The following TSHZ2 variants were observed in gnomAD, a reference collection of about 807,000 sequenced individuals.
TSHZ2 encodes the protein teashirt zinc finger homeobox 2, also known as teashirt homolog 2.
TSHZ2 carries 21 observed loss-of-function variants against 74.4 expected under a neutral mutation model. That is an observed-to-expected ratio of 0.28 (90% CI 0.20 to 0.41). The LOEUF is 0.41. Among genes scored for constraint, TSHZ2 ranks in the 10% least tolerant of loss-of-function variants. The pLI is 1.00. For missense variants in TSHZ2, 1,244 were observed against 1,293.5 expected (o/e 0.96, Z 0.59); for synonymous variants, 540 against 515.3 (o/e 1.05, Z -0.65).
chr20:53,236,915 A>G (rs944381140), intron 1 of TSHZ2, among the ~76,000 whole-genome samples: 1 of 152,160 alleles, frequency 6.6e-6, no homozygotes, highest in African/African-American at 2.4e-5. Flanking sequence ...TGCCCCCATA[A>G]TCTAATCAAT....
chr20:53,469,875 A>AG (rs1316246063), intron 2 of TSHZ2, among the ~76,000 whole-genome samples: 2 of 141,400 alleles, frequency 1.4e-5, no homozygotes, highest in Admixed American at 1.4e-4. Flanking sequence ...GACCCAAGAA[A>AG]GAAAAAAAAG....
chr20:53,268,954 T>C (rs892003224), intron 2 of TSHZ2, among the ~76,000 whole-genome samples: 3 of 152,222 alleles, frequency 2.0e-5, no homozygotes, highest in African/African-American at 7.2e-5. Context: ...GTCAGTTTTC[T>C]CATCCCTAAA....
At chr20:53,422,856 G>T (rs1983526740) in intron 2 of TSHZ2, among the ~76,000 whole-genome samples, 1 of 152,192 alleles carries the variant, frequency 6.6e-6, no homozygotes, top group Non-Finnish European at 1.5e-5. Flanking sequence ...GCAACATGAT[G>T]CAGTGTTAAG....
chr20:53,202,366 C>T (rs1034986537), intron 1 of TSHZ2, among the ~76,000 whole-genome samples: 2 of 152,144 alleles, frequency 1.3e-5, no homozygotes, highest in Non-Finnish European at 2.9e-5. Context: ...TTGGAATCGT[C>T]GCACAGAAAG....
intron 2 of TSHZ2, among the ~76,000 whole-genome samples, chr20:53,367,203 C>T (rs1452068360): frequency 4.0e-5 from 6 of 151,756 alleles, no homozygotes; most frequent in Non-Finnish European, 8.8e-5. Flanking sequence ...CAAGAGCAGC[C>T]TGGTCAACAT....
intron 2 of TSHZ2, among the ~76,000 whole-genome samples, chr20:53,301,098 C>A (rs369290451): frequency 6.6e-6 from 1 of 152,154 alleles, no homozygotes; most frequent in East Asian, 1.9e-4. Flanking sequence ...TCCCAAGTAG[C>A]AGGTGTGAGC....
chr20:53,185,824 G>A, intron 1 of TSHZ2: 3 of 1,039,578 alleles, frequency 2.9e-6, no homozygotes, highest in Middle Eastern at 2.1e-4. Flanking sequence ...ATTTAATTGA[G>A]TTTTTAAATG....
At chr20:53,357,623 A>G (rs1980894692) in intron 2 of TSHZ2, among the ~76,000 whole-genome samples, 1 of 152,264 alleles carries the variant, frequency 6.6e-6, no homozygotes, top group Admixed American at 6.5e-5. Flanking sequence ...TTTGTGCTCA[A>G]GAAACAATTA....
chr20:53,190,566 G>T (rs779635435), intron 1 of TSHZ2, among the ~76,000 whole-genome samples: 1 of 152,104 alleles, frequency 6.6e-6, no homozygotes, highest in African/African-American at 2.4e-5. Context: ...AAAAATAAAA[G>T]ATGTGCTGTA....
chr20:53,463,559 A>G (rs186779792), intron 2 of TSHZ2, among the ~76,000 whole-genome samples: 2 of 152,316 alleles, frequency 1.3e-5, no homozygotes, highest in East Asian at 3.9e-4. Flanking sequence ...TCTCTGAAAG[A>G]AGGATTAACT....
intron 1 of TSHZ2, among the ~76,000 whole-genome samples, chr20:53,147,498 T>G (rs1363535148): frequency 6.6e-6 from 1 of 152,230 alleles, no homozygotes; most frequent in African/African-American, 2.4e-5. Flanking sequence ...TTAATAATAT[T>G]GTTTAATGAA....
intron 1 of TSHZ2, among the ~76,000 whole-genome samples, chr20:53,195,209 C>G (rs2243747): frequency 0.84 from 127,927 of 152,080 alleles, 53,895 homozygotes; most frequent in Non-Finnish European, 0.85. Context: ...AATGAATGGG[C>G]GTGCTCACCT....
chr20:53,185,389 T>C (rs1174801608), intron 1 of TSHZ2: 2 of 1,238,346 alleles, frequency 1.6e-6, no homozygotes, highest in South Asian at 2.4e-5. Context: ...CTTAAGATGA[T>C]GGTGGCCAGG....
intron 2 of TSHZ2, among the ~76,000 whole-genome samples, chr20:53,355,784 A>G (rs1600827233): frequency 1.1e-5 from 1 of 88,396 alleles, no homozygotes; most frequent in African/African-American, 3.1e-5. Context: ...GCTGTTAACA[A>G]AACAAAAAGA....
chr20:53,318,162 G>C (rs1256956050), intron 2 of TSHZ2, among the ~76,000 whole-genome samples: 1 of 152,226 alleles, frequency 6.6e-6, no homozygotes, highest in Non-Finnish European at 1.5e-5. Flanking sequence ...AGCCTCCAGA[G>C]ACCAGGTGAG....
At chr20:53,377,789 G>C (rs1981713271) in intron 2 of TSHZ2, among the ~76,000 whole-genome samples, 4 of 152,162 alleles carry the variant, frequency 2.6e-5, no homozygotes. Flanking sequence ...CTTGAGCTCA[G>C]CAGGTCGAGG....
intron 1 of TSHZ2, among the ~76,000 whole-genome samples, chr20:53,241,304 T>A (rs1450909251): frequency 6.6e-6 from 1 of 152,164 alleles, no homozygotes; most frequent in African/African-American, 2.4e-5. Context: ...AACTATGTGT[T>A]GTGGGTTTGG....
chr20:53,137,241 A>G (rs1052373536), intron 1 of TSHZ2, among the ~76,000 whole-genome samples: 2 of 151,750 alleles, frequency 1.3e-5, no homozygotes, highest in Non-Finnish European at 2.9e-5. Flanking sequence ...TTTTTCTTCT[A>G]TTAGCTATGT....
intron 1 of TSHZ2, among the ~76,000 whole-genome samples, chr20:53,102,882 TATTA>T (rs562945193): frequency 7.5e-6 from 1 of 132,882 alleles, no homozygotes; most frequent in African/African-American, 2.5e-5. Context: ...TTTTTTTTTT[TATTA>T]TACTTTAAGT....
Sources: gnomAD v4.1 joint callset for allele counts (sites outside exome capture counted in the v4.1 genomes callset) on GRCh38, gnomAD v4.1.1 for gene constraint, MANE v1.5 for transcripts, NCBI Gene and HGNC (gene_info 2026-07-23, HGNC 2026-07-21) for gene names.